TASP1: variants seen among roughly 807,000 people sequenced by gnomAD.
TASP1 encodes the protein threonine aspartase 1.
TASP1 carries 16 observed loss-of-function variants against 56.6 expected under a neutral mutation model. The observed-to-expected ratio is 0.28, with a 90% CI of 0.19 to 0.43. The LOEUF (loss-of-function observed/expected upper bound fraction) is 0.43. Ranked by LOEUF, TASP1 falls within the 20% of genes least tolerant of loss-of-function variation. The pLI is 1.00. For missense variants in TASP1, 393 were observed against 511.6 expected, an observed-to-expected ratio of 0.77 and a Z score of 2.24; for synonymous variants, 179 against 184.2, an observed-to-expected ratio of 0.97 and a Z score of 0.23.
the TASP1 span, among the ~76,000 whole-genome samples, chr20:13,172,720 G>A: frequency 6.6e-6 from 1 of 152,022 alleles, no homozygotes; most frequent in African/African-American, 2.4e-5. Context: ...AGAGTAAAAC[G>A]GGGATTTTTT....
intron 4 of TASP1, among the ~76,000 whole-genome samples, chr20:13,602,184 T>C (rs2047987618): frequency 6.6e-6 from 1 of 151,978 alleles, no homozygotes; most frequent in Non-Finnish European, 1.5e-5. Flanking sequence ...CGGCCACCCA[T>C]AACCCCATTC....
At chr20:13,200,555 T>C in the TASP1 span, among the ~76,000 whole-genome samples, 1 of 152,236 alleles carries the variant, frequency 6.6e-6, no homozygotes, top group Non-Finnish European at 1.5e-5. Flanking sequence ...GGGAATGTGA[T>C]ATCTGTGGTT....
At chr20:13,468,794 A>G (rs1223709456) in intron 11 of TASP1, among the ~76,000 whole-genome samples, 1 of 152,044 alleles carries the variant, frequency 6.6e-6, no homozygotes, top group Non-Finnish European at 1.5e-5. Flanking sequence ...TGATCACCTA[A>G]TAAGTACCCT....
the TASP1 span, among the ~76,000 whole-genome samples, chr20:13,325,264 G>A: frequency 1.3e-5 from 2 of 152,196 alleles, no homozygotes; most frequent in Admixed American, 1.3e-4. Context: ...AGAAGTTAGA[G>A]GTCTCAGGTC....
chr20:13,370,283 C>A, the TASP1 span, among the ~76,000 whole-genome samples: 1 of 151,758 alleles, frequency 6.6e-6, no homozygotes, highest in South Asian at 2.1e-4. Context: ...CACAATAACC[C>A]AAATTAAATT....
the TASP1 span, among the ~76,000 whole-genome samples, chr20:13,217,410 T>C: frequency 2.6e-5 from 4 of 152,222 alleles, no homozygotes; most frequent in Admixed American, 2.6e-4. Flanking sequence ...TGTACCACTC[T>C]TTGGCAAAAT....
chr20:13,473,493 AAT>A (rs1367434648), intron 11 of TASP1, among the ~76,000 whole-genome samples: 1 of 152,118 alleles, frequency 6.6e-6, no homozygotes, highest in East Asian at 1.9e-4. Flanking sequence ...TAATAATAAT[AAT>A]ATATCTTAAA....
chr20:13,484,310 T>C (rs962148137), intron 10 of TASP1, among the ~76,000 whole-genome samples: 5 of 152,232 alleles, frequency 3.3e-5, no homozygotes, highest in Non-Finnish European at 5.9e-5. Flanking sequence ...TTACTAGGTA[T>C]ATATTCCAAG....
chr20:13,165,294 C>A, the TASP1 span: 1 of 159,132 alleles, frequency 6.3e-6, no homozygotes, highest in African/African-American at 2.4e-5. Context: ...GGACAGTAGC[C>A]ACCTTCCTTG....
chr20:13,137,180 A>G, the TASP1 span, among the ~76,000 whole-genome samples: 2 of 152,208 alleles, frequency 1.3e-5, no homozygotes, highest in African/African-American at 4.8e-5. Context: ...GAAATATTCA[A>G]TAGAAATGCT....
At chr20:13,246,157 C>T in the TASP1 span, among the ~76,000 whole-genome samples, 11 of 151,992 alleles carry the variant, frequency 7.2e-5, no homozygotes, top group Non-Finnish European at 1.3e-4. Flanking sequence ...CCTGTAATCC[C>T]AGCTACTCGG....
intron 5 of TASP1, among the ~76,000 whole-genome samples, chr20:13,586,728 C>T (rs922611503): frequency 2.0e-5 from 3 of 151,588 alleles, no homozygotes; most frequent in Non-Finnish European, 4.4e-5. Flanking sequence ...CTTTTATGTA[C>T]TGATGTGGAA....
chr20:13,430,296 T>C (rs1051839784), intron 12 of TASP1, among the ~76,000 whole-genome samples: 1 of 152,208 alleles, frequency 6.6e-6, no homozygotes, highest in Non-Finnish European at 1.5e-5. Context: ...CAAACACTTA[T>C]TATCTCAGTT....
chr20:13,285,269 T>A, the TASP1 span, among the ~76,000 whole-genome samples: 2 of 151,862 alleles, frequency 1.3e-5, no homozygotes, highest in Admixed American at 1.3e-4. Context: ...CCAGCCTAGG[T>A]GACAGAGTGA....
the TASP1 span, among the ~76,000 whole-genome samples, chr20:13,208,260 C>T: frequency 1.3e-5 from 2 of 152,160 alleles, no homozygotes; most frequent in African/African-American, 4.8e-5. Context: ...CTGGTGATAA[C>T]TTAATGATTT....
At chr20:13,459,943 A>T (rs540559918) in intron 11 of TASP1, among the ~76,000 whole-genome samples, 1 of 152,282 alleles carries the variant, frequency 6.6e-6, no homozygotes, top group South Asian at 2.1e-4. Context: ...TCTCATCTAT[A>T]GAAAAACATA....
chr20:13,292,409 G>A, the TASP1 span: 5 of 1,607,284 alleles, frequency 3.1e-6, no homozygotes, highest in Non-Finnish European at 4.2e-6. Flanking sequence ...TGCCACCGAA[G>A]TGAGTCTGCT....
the TASP1 span, chr20:13,300,639 A>G: frequency 1.3e-5 from 2 of 152,246 alleles, no homozygotes; most frequent in Non-Finnish European, 2.9e-5. Flanking sequence ...TAATAAAATC[A>G]TAATAAAAGG....
chr20:13,386,429 TTATC>T (rs1216535686), downstream of TASP1, among the ~76,000 whole-genome samples: 3 of 151,074 alleles, frequency 2.0e-5, no homozygotes, highest in Admixed American at 1.3e-4. Flanking sequence ...AAAATTTTCC[TTATC>T]TATTTTCTAA....
Sources: allele counts gnomAD v4.1 joint callset (sites outside exome capture counted in the v4.1 genomes callset), GRCh38; gene constraint gnomAD v4.1.1; transcripts MANE v1.5; gene names NCBI Gene and HGNC (gene_info 2026-07-23, HGNC 2026-07-21).